The following LHPP variants were observed in gnomAD, a reference collection of about 807,000 sequenced individuals.
The protein encoded by LHPP is hLHPP.
A neutral mutation model predicts 30.3 loss-of-function variants in LHPP; 24 were observed. That is an observed-to-expected ratio of 0.79 (90% CI 0.57 to 1.11). The LOEUF (loss-of-function observed/expected upper bound fraction) is 1.11, where lower values mean the gene tolerates loss of function less well. LHPP is among the 50% of genes most tolerant of loss of function. The pLI, the probability that LHPP is intolerant of heterozygous loss-of-function variation, is 0.00. For synonymous variants in LHPP, 150 were observed against 157.1 expected (o/e 0.95, Z 0.34); for missense variants, 356 against 367.2 (o/e 0.97, Z 0.25).
In LHPP at chr10:124,523,395, G is replaced by A. The variant is rs1382510145; in HGVS notation, c.716+6124G>A. 6.6e-6 allele frequency among the ~76,000 whole-genome samples: 1 copy of A among 152,220 alleles called. No homozygotes were observed. The highest frequency in any genetic ancestry group is 1.5e-5 in the Non-Finnish European group (1 of 68,034). On this transcript the variant is annotated intron_variant, in intron 6 of 6. Transcript: ENST00000368842. The surrounding 1 kb of genome is among the most constrained non-coding windows in gnomAD (Gnocchi z 4.2). ...TGCAGGGTGCATGGCTGTGGAGCTG[G>A]CTGCGTCGGGAGGGAGAGTGCCCCC...
intron 1 of LHPP, among the ~76,000 whole-genome samples, chr10:124,482,659 C>T (rs1953178112): frequency 6.6e-6 from 1 of 152,028 alleles, no homozygotes; most frequent in African/African-American, 2.4e-5. Context: ...CTGTAGGTTC[C>T]TCTAGCACGC....
At chr10:124,602,313 C>A (rs1949034293) in intron 6 of LHPP, among the ~76,000 whole-genome samples, 1 of 152,264 alleles carries the variant, frequency 6.6e-6, no homozygotes, top group African/African-American at 2.4e-5. Flanking sequence ...CCATGGCGCG[C>A]TGTGCAGAGC....
chr10:124,579,531 G>A (rs1214767880), intron 6 of LHPP, among the ~76,000 whole-genome samples: 1 of 152,166 alleles, frequency 6.6e-6, no homozygotes, highest in Non-Finnish European at 1.5e-5. Flanking sequence ...GCGGTTTCCA[G>A]TTTTTTTCAT....
At chr10:124,500,627 G>A (rs1953870184) in intron 5 of LHPP, among the ~76,000 whole-genome samples, 1 of 151,472 alleles carries the variant, frequency 6.6e-6, no homozygotes, top group Admixed American at 6.6e-5. Context: ...TCCTAACATG[G>A]CCAACAGGCA....
chr10:124,612,444 G>A (rs1365424934), intron 6 of LHPP, among the ~76,000 whole-genome samples: 1 of 152,020 alleles, frequency 6.6e-6, no homozygotes, highest in African/African-American at 2.4e-5. Context: ...ATGTCTCCAC[G>A]AACCCACCTG....
intron 2 of LHPP, among the ~76,000 whole-genome samples, chr10:124,485,858 C>G (rs1480149007): frequency 6.6e-6 from 1 of 152,194 alleles, no homozygotes; most frequent in Non-Finnish European, 1.5e-5. Flanking sequence ...ACCTTGGCCT[C>G]CCAAAGTGCT....
chr10:124,488,689 G>A (rs1026829542), intron 3 of LHPP, 114 bp downstream of exon 3: 61 of 851,366 alleles, frequency 7.2e-5, no homozygotes, highest in South Asian at 7.0e-5. Flanking sequence ...GAGGAGCACC[G>A]GTGATCTTCT....
chr10:124,499,361 G>A (rs529430533), intron 5 of LHPP, among the ~76,000 whole-genome samples: 293 of 151,960 alleles, frequency 1.9e-3, no homozygotes, highest in Middle Eastern at 3.4e-3. Flanking sequence ...GGAATAGTGG[G>A]CAGCCGGCAT....
rs373131151 is a variant in LHPP at position 124,534,427 on chromosome 10, C to T, written c.716+17156C>T. 4.6e-5 allele frequency among the ~76,000 whole-genome samples: 7 copies of T among 152,256 alleles called. No individual in the cohort carries two copies. The South Asian group carries it at 6.2e-4, about 13-fold the overall frequency. On this transcript the variant is annotated intron_variant, in intron 6 of 6. Transcript: ENST00000368842. ...GCACCGGCACGTCGGAGGCCGAGGA[C>T]GGCTTAGACGGGAGGTCCGGAGGCT...
In LHPP at chr10:124,502,338, C is replaced by T. The variant is rs1180202223; in HGVS notation, c.624+4210C>T. Among the ~76,000 whole-genome samples the T allele has an allele frequency of 5.9e-5, 9 of 151,840 alleles. No homozygotes were observed. The East Asian group carries it at 1.7e-3, about 29-fold the overall frequency. The stretch of plus-strand genomic sequence containing the variant: ...AGGAGGTGTCTTCCAGAGTTCTCTA[C>T]TGTCATTGCTATTTGTCCCTTTCAG... On this transcript the variant is annotated intron_variant, in intron 5 of 6. Transcript: ENST00000368842.
chr10:124,538,565 G>T (rs1955098180), intron 6 of LHPP, among the ~76,000 whole-genome samples: 1 of 152,162 alleles, frequency 6.6e-6, no homozygotes, highest in South Asian at 2.1e-4. Flanking sequence ...GCCCGCTGTG[G>T]CCCCATACCT....
chr10:124,517,137 C>A lies in LHPP; in HGVS notation c.625-43C>A. ...AAGATGAAGGAGCCCGGGAATAAAACTCTCCTGACATCACTTCTGAGCGTA... is the reference window on the plus strand; with the variant it reads ...AAGATGAAGGAGCCCGGGAATAAAAATCTCCTGACATCACTTCTGAGCGTA... On this transcript the variant is annotated intron_variant, in intron 5 of 6. Transcript: ENST00000368842. The surrounding 1 kb of genome is among the most constrained non-coding windows in gnomAD (Gnocchi z 4.1). The A allele has an allele frequency of 1.4e-6, 2 of 1,384,126 alleles. No homozygotes were observed. The highest frequency in any genetic ancestry group is 1.3e-5 in the South Asian group (1 of 74,178). 85.7% of individuals were successfully genotyped at this position (1,384,126 alleles called of 1,614,324 possible).
At chr10:124,464,794 G>A (rs1188231609) in intron 1 of LHPP, among the ~76,000 whole-genome samples, 3 of 152,192 alleles carry the variant, frequency 2.0e-5, no homozygotes, top group Non-Finnish European at 2.9e-5. Flanking sequence ...ATTGCTTGCG[G>A]AAGATACATT....
intron 6 of LHPP, among the ~76,000 whole-genome samples, chr10:124,602,800 G>T (rs1222733492): frequency 6.6e-6 from 1 of 152,254 alleles, no homozygotes; most frequent in Non-Finnish European, 1.5e-5. Context: ...TCCAGATCCA[G>T]ATGGGGGCCA....
At chr10:124,597,847 A>T (rs1175879932) in intron 6 of LHPP, among the ~76,000 whole-genome samples, 1 of 152,176 alleles carries the variant, frequency 6.6e-6, no homozygotes, top group African/African-American at 2.4e-5. Context: ...TAATCTAAAC[A>T]CACACCAGGT....
intron 3 of LHPP, chr10:124,490,058 G>A (rs1349083898): frequency 1.2e-5 from 2 of 172,400 alleles, no homozygotes; most frequent in African/African-American, 4.8e-5. Flanking sequence ...ATCTGTGGGT[G>A]TCCATCTCTG....
chr10:124,554,066 G>T (rs1035503300), intron 6 of LHPP: 5 of 985,360 alleles, frequency 5.1e-6, no homozygotes, highest in African/African-American at 1.7e-5. Context: ...TAGTTGCGGG[G>T]CGGTGGTCAG....
intron 5 of LHPP, among the ~76,000 whole-genome samples, chr10:124,511,448 G>C (rs1954292917): frequency 6.6e-6 from 1 of 152,224 alleles, no homozygotes; most frequent in Non-Finnish European, 1.5e-5. Context: ...ATGAAGTAGA[G>C]AGCACCACAC....
intron 6 of LHPP, among the ~76,000 whole-genome samples, chr10:124,571,584 G>GC (rs749572253): frequency 1.8e-4 from 27 of 152,214 alleles, no homozygotes; most frequent in Non-Finnish European, 3.4e-4. Context: ...AAAGGGCAGA[G>GC]CCCCCCGTGT....
Sources: allele counts gnomAD v4.1 joint callset (sites outside exome capture counted in the v4.1 genomes callset), GRCh38; gene constraint gnomAD v4.1.1; non-coding constraint Gnocchi (gnomAD v3.1); transcripts MANE v1.5; gene names NCBI Gene and HGNC (gene_info 2026-07-23, HGNC 2026-07-21).